The following ANKRD17 variants were observed in gnomAD, a reference collection of about 807,000 sequenced individuals.
ANKRD17 encodes the protein ankyrin repeat domain 17.
A neutral mutation model predicts 229.7 loss-of-function variants in ANKRD17; 19 were observed. The observed-to-expected ratio is 0.08, with a 90% CI of 0.06 to 0.12. ANKRD17 has a LOEUF of 0.12. ANKRD17 is among the 10% of genes least tolerant of loss of function. The pLI is 1.00. For missense variants in ANKRD17, 2,176 were observed against 3,176.8 expected (o/e 0.68, Z 7.57); for synonymous variants, 1,112 against 1,146.1 (o/e 0.97, Z 0.60).
intron 16 of ANKRD17, among the ~76,000 whole-genome samples, chr4:73,134,517 C>T (rs763530742): frequency 6.6e-6 from 1 of 152,126 alleles, no homozygotes; most frequent in Admixed American, 6.5e-5. Context: ...TGGTCAACTA[C>T]TTTTTAATAA....
intron 1 of ANKRD17, among the ~76,000 whole-genome samples, chr4:73,250,589 C>CAAAAAAAAAAAAAAAAAAAAAAAAAA (rs35160047): frequency 1.0e-4 from 3 of 29,410 alleles, no homozygotes; most frequent in African/African-American, 3.4e-4. Context: ...GACCTTGTCT[C>CAAAAAAAAAAAAAAAAAAAAAAAAAA]AAAAAAAAAA....
chr4:73,119,260 G>A (rs1726398433), intron 21 of ANKRD17, among the ~76,000 whole-genome samples: 1 of 152,124 alleles, frequency 6.6e-6, no homozygotes, highest in Non-Finnish European at 1.5e-5. Context: ...ATTCTGTAAA[G>A]ATAAAAATTG....
At chr4:73,124,368 C>T (rs1727160312) in intron 18 of ANKRD17, among the ~76,000 whole-genome samples, 4 of 148,890 alleles carry the variant, frequency 2.7e-5, no homozygotes, top group Non-Finnish European at 4.4e-5. Context: ...TTTTCTTGAG[C>T]CTAGCTAATC....
intron 2 of ANKRD17, among the ~76,000 whole-genome samples, chr4:73,164,460 T>G (rs560211096): frequency 1.3e-5 from 2 of 152,246 alleles, no homozygotes; most frequent in East Asian, 3.9e-4. Flanking sequence ...ATGGTGATTC[T>G]TTTTTTTCTG....
chr4:73,200,697 A>G (rs1023907953), intron 1 of ANKRD17, among the ~76,000 whole-genome samples: 2 of 152,094 alleles, frequency 1.3e-5, no homozygotes, highest in Admixed American at 1.3e-4. Flanking sequence ...ATATTCAAAA[A>G]CTGCCAATTT....
intron 1 of ANKRD17, among the ~76,000 whole-genome samples, chr4:73,256,957 G>C (rs1217336157): frequency 1.3e-5 from 2 of 152,208 alleles, no homozygotes; most frequent in Non-Finnish European, 2.9e-5. Context: ...TCTACAAATA[G>C]ACATGTGTCA....
chr4:73,110,318 A>T (rs1160678803), intron 24 of ANKRD17, among the ~76,000 whole-genome samples: 1 of 152,200 alleles, frequency 6.6e-6, no homozygotes, highest in Non-Finnish European at 1.5e-5. Flanking sequence ...AATAAGTATT[A>T]AAAAATCTGC....
intron 2 of ANKRD17, among the ~76,000 whole-genome samples, chr4:73,162,713 C>T (rs1732691968): frequency 6.6e-6 from 1 of 151,958 alleles, no homozygotes; most frequent in Non-Finnish European, 1.5e-5. Flanking sequence ...GGTTAGTAAC[C>T]ATCTATATGA....
chr4:73,231,616 T>C (rs554285647), intron 1 of ANKRD17, among the ~76,000 whole-genome samples: 1 of 152,358 alleles, frequency 6.6e-6, no homozygotes, highest in South Asian at 2.1e-4. Flanking sequence ...TTTCCTGGCA[T>C]ACACTCCTAT....
chr4:73,094,691 G>T lies in ANKRD17; in HGVS notation c.5178-463C>A, dbSNP rs570439628. Among the ~76,000 whole-genome samples, 6 of 147,930 alleles carry T rather than the reference G, an allele frequency of 4.1e-5. No individual in the cohort carries two copies. In the East Asian group the frequency reaches 1.2e-3, roughly 29 times the overall value. On this transcript the variant is annotated intron_variant, in intron 27 of 33. Transcript: ENST00000358602. ...TATATGTATATATAGACATATATAT[G>T]TATATACGTATAATATATACATGTA...
intron 1 of ANKRD17, among the ~76,000 whole-genome samples, chr4:73,250,207 T>C (rs548597542): frequency 6.6e-5 from 10 of 152,286 alleles, no homozygotes; most frequent in African/African-American, 2.2e-4. Flanking sequence ...TAAAAACCTA[T>C]TTAATATTTT....
intron 1 of ANKRD17, among the ~76,000 whole-genome samples, chr4:73,256,330 T>C (rs1444959331): frequency 6.6e-6 from 1 of 152,192 alleles, no homozygotes; most frequent in Non-Finnish European, 1.5e-5. Context: ...CAGCAGAATA[T>C]CCCAGTAAGT....
At position 73,146,841 on chromosome 4, in the gene ANKRD17, C is replaced by T. The variant is rs1424652306; in HGVS notation, c.1792G>A (p.Asp598Asn). Residue 598 changes from aspartate (D) to asparagine (N), a missense_variant, in exon 10 of 34, where the codon GAT becomes AAT. Asp to Asn is a conservative substitution (Grantham distance 23). Coordinates refer to ENST00000358602, the MANE Select transcript of ANKRD17 (RefSeq NM_032217.5). The stretch of plus-strand genomic sequence containing the variant: ...TCACAGGCATATGTTAGTGCTGTAT[C>T]CCCTGTTGCTGTTGTTGCATGAACG... The part of the protein sequence containing the change: ...ANVHATTATG[D>N]TALTYACENG... 6.2e-7 allele frequency: 1 copy of T among 1,612,692 alleles called. No individual in the cohort carries two copies. Among genetic ancestry groups the T allele is most frequent in the Non-Finnish European group, 8.5e-7 (1 of 1,179,154 alleles).
chr4:73,078,989 T>A (rs1037747210), intron 30 of ANKRD17, 99 bp from the exon 31 acceptor site: 2 of 1,348,280 alleles, frequency 1.5e-6, no homozygotes, highest in African/African-American at 1.5e-5. Context: ...TAAATATATA[T>A]TCTCAGAAAA....
At chr4:73,185,586 T>A (rs1007290872) in intron 1 of ANKRD17, among the ~76,000 whole-genome samples, 1 of 152,110 alleles carries the variant, frequency 6.6e-6, no homozygotes, top group African/African-American at 2.4e-5. Flanking sequence ...TAAATTTTTC[T>A]TTTAGTAAGT....
chr4:73,182,976 AAAC>A (rs957111814), intron 1 of ANKRD17, among the ~76,000 whole-genome samples: 3 of 152,194 alleles, frequency 2.0e-5, no homozygotes, highest in African/African-American at 7.2e-5. Context: ...AGAAAATTAA[AAAC>A]AACAACAACA....
chr4:73,215,078 C>T (rs1740831091), intron 1 of ANKRD17, among the ~76,000 whole-genome samples: 1 of 151,974 alleles, frequency 6.6e-6, no homozygotes, highest in Admixed American at 6.6e-5. Context: ...ACTAATTTGG[C>T]AGACATTTTC....
chr4:73,211,562 G>T (rs893884656), intron 1 of ANKRD17, among the ~76,000 whole-genome samples: 3 of 151,986 alleles, frequency 2.0e-5, no homozygotes, highest in Admixed American at 6.6e-5. Context: ...AAATCTAATT[G>T]TCGGCCAGGT....
At chr4:73,202,479 C>A (rs1448016438) in intron 1 of ANKRD17, among the ~76,000 whole-genome samples, 1 of 151,900 alleles carries the variant, frequency 6.6e-6, no homozygotes, top group East Asian at 1.9e-4. Flanking sequence ...GTAAACTAAA[C>A]AATTATAGAA....
Sources: allele counts gnomAD v4.1 joint callset (sites outside exome capture counted in the v4.1 genomes callset), GRCh38; gene constraint gnomAD v4.1.1; transcripts MANE v1.5; gene names NCBI Gene and HGNC (gene_info 2026-07-23, HGNC 2026-07-21).